Variants in RAD21 observed in about 807,000 individuals in gnomAD.
The protein encoded by RAD21 is RAD21 cohesin complex component.
In RAD21, 18 loss-of-function variants were observed where a neutral mutation model predicts 71.5. The ratio of observed to expected loss-of-function variants is 0.25; its 90% CI spans 0.17 to 0.37. RAD21 has a LOEUF of 0.37. RAD21 is among the 10% of genes least tolerant of loss of function. RAD21 has a pLI of 1.00. For missense variants in RAD21, 493 were observed against 769.1 expected, an observed-to-expected ratio of 0.64 and a Z score of 4.25; for synonymous variants, 248 against 254.0, an observed-to-expected ratio of 0.98 and a Z score of 0.22.
chr8:116,871,145 T>C (rs1243402284), intron 1 of RAD21, among the ~76,000 whole-genome samples: 1 of 152,172 alleles, frequency 6.6e-6, no homozygotes, highest in Non-Finnish European at 1.5e-5. Context: ...GAAAGTGTAA[T>C]TATAATTGCC....
chr8:116,849,483 T>A (rs1485223498), intron 12 of RAD21: 1 of 153,708 alleles, frequency 6.5e-6, no homozygotes, highest in Non-Finnish European at 1.4e-5. Context: ...AGACTCTTAA[T>A]CTCATTGTGG....
In RAD21 at chr8:116,858,387, ACTT is replaced by A; in HGVS notation, c.443_445del (p.Glu148del). 2 of 1,612,656 alleles carry A rather than the reference ACTT, an allele frequency of 1.2e-6. No homozygotes were observed. The highest frequency in any genetic ancestry group is 1.7e-5 in the Admixed American group (1 of 59,930). Reference sequence around the variant, plus strand: ...TTCTTGTAAAATACTGATGTTCCCAACTTCTTCTCTCATGGTTATCTCTTCCAC... The same window carrying A: ...TTCTTGTAAAATACTGATGTTCCCAACTTCTCTCATGGTTATCTCTTCCAC... On this transcript the variant is annotated inframe_deletion, in exon 5 of 14. Coordinates refer to ENST00000297338, the MANE Select transcript of RAD21 (RefSeq NM_006265.3).
At chr8:116,873,670 A>T (rs553545001) in intron 1 of RAD21, among the ~76,000 whole-genome samples, 1 of 152,152 alleles carries the variant, frequency 6.6e-6, no homozygotes, top group Non-Finnish European at 1.5e-5. Context: ...CTAACAAATC[A>T]GAGTGACCAA....
Position 116,866,664 on chromosome 8 carries a change from A to G in RAD21, c.66T>C (p.His22=), listed in dbSNP as rs1812700416. ...GGGCTTTGGTTAGCTTCTTATCCCA[A>G]TGGGCCGCTAGCCAAATTTTGGCCA... ...GPLAKIWLAA[H]WDKKLTKAHV... The change falls in exon 2 of 14, where the codon CAT becomes CAC. Residue 22 remains histidine, a synonymous_variant. Coordinates refer to ENST00000297338, the MANE Select transcript of RAD21 (RefSeq NM_006265.3). The G allele has an allele frequency of 6.8e-6, 11 of 1,613,614 alleles. No individual in the cohort carries two copies. The highest frequency in any genetic ancestry group is 9.3e-6 in the Non-Finnish European group (11 of 1,179,736).
chr8:116,849,156 T>C, intron 12 of RAD21, 127 bp from the exon 13 acceptor site: 1 of 601,260 alleles, frequency 1.7e-6, no homozygotes, highest in Non-Finnish European at 2.7e-6. Context: ...AAAACTGTAC[T>C]TAATGCTGCT....
At chr8:116,859,931 G>A (rs1812554018) in intron 4 of RAD21, among the ~76,000 whole-genome samples, 1 of 152,158 alleles carries the variant, frequency 6.6e-6, no homozygotes, top group Non-Finnish European at 1.5e-5. Flanking sequence ...AATGAAAAAT[G>A]CTACTCTAGT....
chr8:116,852,540 A>C lies in RAD21; in HGVS notation c.1321+9T>G. 6.3e-7 allele frequency: 1 copy of C among 1,597,936 alleles called. No homozygotes were observed. The highest frequency in any genetic ancestry group is 8.5e-7 in the Non-Finnish European group (1 of 1,172,182). ...AACTTCATCAAGGAACTATTCCAAC[A>C]GAACAAACCGATAACATCACGCTGC... On this transcript the variant is annotated intron_variant, in intron 10 of 13. Coordinates refer to ENST00000297338, the MANE Select transcript of RAD21 (RefSeq NM_006265.3).
chr8:116,865,292 G>A (rs764642019), intron 2 of RAD21, among the ~76,000 whole-genome samples: 21 of 151,900 alleles, frequency 1.4e-4, no homozygotes, highest in Non-Finnish European at 3.1e-4. Flanking sequence ...CAAAGTACTC[G>A]GTACATATCA....
chr8:116,854,952 G>A (rs1233394531), intron 8 of RAD21, among the ~76,000 whole-genome samples: 2 of 152,076 alleles, frequency 1.3e-5, no homozygotes, highest in Non-Finnish European at 2.9e-5. Context: ...ACAAGCCCAA[G>A]CCCAGTCAGA....
chr8:116,851,126 A>AAAT (rs149892224), intron 11 of RAD21: 21,466 of 158,462 alleles, frequency 0.14, 1,815 homozygotes, highest in Admixed American at 0.21. Context: ...TCACGGCAGC[A>AAAT]AATAATAGGA....
At chr8:116,869,582 A>T (rs1406675130) in intron 1 of RAD21, among the ~76,000 whole-genome samples, 7 of 152,142 alleles carry the variant, frequency 4.6e-5, no homozygotes, top group Non-Finnish European at 1.0e-4. Context: ...AAGACTCTGT[A>T]TAAAAAGAAA....
Position 116,874,682 on chromosome 8 carries a change from G to A in RAD21, c.-104C>T, listed in dbSNP as rs1563697284. 2 of 387,120 alleles carry A rather than the reference G, an allele frequency of 5.2e-6. No individual in the cohort carries two copies. The highest frequency in any genetic ancestry group is 2.9e-5 in the Admixed American group (1 of 34,516). The allele number at this position is 387,120 out of a possible 1,614,324, so 24.0% of individuals were successfully genotyped here. A position where few individuals can be genotyped will look rare whatever the true frequency, so the allele number is the denominator to read the frequency against. ...GAAAAGGGTCGGGGGAGGGGGTGGG[G>A]AAAGGGGGGAGCCCTTGCGAGGTGT... On this transcript the variant is annotated 5_prime_UTR_variant, in exon 1 of 14. Transcript: ENST00000297338.
intron 1 of RAD21, among the ~76,000 whole-genome samples, chr8:116,873,513 G>A (rs1428740223): frequency 1.3e-5 from 2 of 149,890 alleles, no homozygotes; most frequent in Non-Finnish European, 2.9e-5. Flanking sequence ...TAAGAAAATA[G>A]AAATTTTTGC....
intron 4 of RAD21, among the ~76,000 whole-genome samples, chr8:116,860,654 A>C (rs888496451): frequency 4.0e-5 from 6 of 148,974 alleles, no homozygotes; most frequent in Non-Finnish European, 7.4e-5. Context: ...TGCACACTTA[A>C]TAGACTACAG....
intron 2 of RAD21, among the ~76,000 whole-genome samples, chr8:116,864,814 CA>C (rs1244517305): frequency 1.3e-5 from 2 of 152,006 alleles, no homozygotes; most frequent in Non-Finnish European, 2.9e-5. Flanking sequence ...TGAGGTATGG[CA>C]TATGTTTTTG....
intron 4 of RAD21, among the ~76,000 whole-genome samples, chr8:116,861,392 T>C (rs773427127): frequency 7.9e-5 from 12 of 151,236 alleles, no homozygotes; most frequent in Admixed American, 3.3e-4. Context: ...CAATGACCCT[T>C]TGTTGCTCTT....
intron 8 of RAD21, among the ~76,000 whole-genome samples, chr8:116,855,352 G>C (rs1177441409): frequency 6.6e-6 from 1 of 152,034 alleles, no homozygotes; most frequent in Non-Finnish European, 1.5e-5. Flanking sequence ...TCTAGAAATT[G>C]TTAGGTTTTA....
At chr8:116,855,708 G>GT (rs34000422) in intron 8 of RAD21, among the ~76,000 whole-genome samples, 24,852 of 149,450 alleles carry the variant, frequency 0.17, 2,481 homozygotes, top group East Asian at 0.38. Context: ...CTCTAGTTTT[G>GT]TTTTTTTTTT....
At chr8:116,865,826 C>A (rs141137146) in intron 2 of RAD21, among the ~76,000 whole-genome samples, 1 of 152,168 alleles carries the variant, frequency 6.6e-6, no homozygotes, top group East Asian at 1.9e-4. Flanking sequence ...GCAAAACTTA[C>A]GAAAAGGCAC....
Sources: allele counts gnomAD v4.1 joint callset (sites outside exome capture counted in the v4.1 genomes callset), GRCh38; gene constraint gnomAD v4.1.1; transcripts MANE v1.5; gene names NCBI Gene and HGNC (gene_info 2026-07-23, HGNC 2026-07-21).